The following PRKG1 variants were observed in gnomAD, a reference collection of about 807,000 sequenced individuals.
The protein encoded by PRKG1 is protein kinase cGMP-dependent 1.
A neutral mutation model predicts 88.1 loss-of-function variants in PRKG1; 35 were observed. That is an observed-to-expected ratio of 0.40 (90% CI 0.30 to 0.53). The LOEUF (loss-of-function observed/expected upper bound fraction) is 0.53. PRKG1 is among the 20% of genes least tolerant of loss of function. The pLI is 0.59. For missense variants in PRKG1, 540 were observed against 839.8 expected (o/e 0.64, Z 4.41); for synonymous variants, 303 against 292.5 (o/e 1.04, Z -0.37).
chr10:52,113,253 T>G (rs914152184), intron 7 of PRKG1, among the ~76,000 whole-genome samples: 4 of 152,214 alleles, frequency 2.6e-5, no homozygotes, highest in African/African-American at 9.6e-5. Flanking sequence ...TCTCTAACAT[T>G]GCTTTTATTA....
chr10:51,792,416 G>A (rs946805168), intron 3 of PRKG1, among the ~76,000 whole-genome samples: 7 of 151,856 alleles, frequency 4.6e-5, no homozygotes, highest in East Asian at 1.9e-4. Flanking sequence ...TATTCTTTCC[G>A]CTTCTTCCCC....
At chr10:52,017,852 T>C (rs1432567945) in intron 5 of PRKG1, among the ~76,000 whole-genome samples, 1 of 152,200 alleles carries the variant, frequency 6.6e-6, no homozygotes, top group East Asian at 1.9e-4. Context: ...TTTTCCATAA[T>C]TGCATGAAAT....
intron 3 of PRKG1, among the ~76,000 whole-genome samples, chr10:51,626,811 T>C (rs74363139): frequency 0.039 from 5,971 of 152,250 alleles, 171 homozygotes; most frequent in Middle Eastern, 0.075. Flanking sequence ...CTCCATCAGT[T>C]TTCCCTTTTT....
Position 51,234,804 on chromosome 10 carries a change from A to C in PRKG1, c.478+81474A>C, listed in dbSNP as rs183431124. ...TATTATTTCTGAATGGAAAAGAAAA[A>C]AAATAAAAATATTTCACCGAAAACA... On this transcript the variant is annotated intron_variant, in intron 2 of 17. Transcript: ENST00000373980. Among the ~76,000 whole-genome samples the C allele has an allele frequency of 1.6e-3, 242 of 152,338 alleles. 1 individual carries two copies. The highest frequency in any genetic ancestry group is 2.0e-3 in the Non-Finnish European group (138 of 68,036).
intron 2 of PRKG1, among the ~76,000 whole-genome samples, chr10:51,405,387 A>G (rs769978358): frequency 3.4e-4 from 52 of 152,242 alleles, no homozygotes; most frequent in Non-Finnish European, 3.7e-4. Flanking sequence ...AAGTCTTCAC[A>G]TCTGCATTTT....
intron 2 of PRKG1, among the ~76,000 whole-genome samples, chr10:51,427,766 CA>C (rs1838631911): frequency 6.6e-6 from 1 of 152,164 alleles, no homozygotes; most frequent in Non-Finnish European, 1.5e-5. Context: ...TCCATTTCAC[CA>C]AAGGTTTCAG....
chr10:52,213,452 AG>A (rs1301750061), intron 9 of PRKG1, among the ~76,000 whole-genome samples: 1 of 152,222 alleles, frequency 6.6e-6, no homozygotes, highest in African/African-American at 2.4e-5. Context: ...TCAAGGAAAA[AG>A]TCTTGGTGAC....
chr10:52,183,167 T>A (rs527765120), intron 9 of PRKG1, among the ~76,000 whole-genome samples: 1 of 152,116 alleles, frequency 6.6e-6, no homozygotes, highest in African/African-American at 2.4e-5. Flanking sequence ...ACCTCCAACA[T>A]TGGAGGTCAC....
At chr10:51,905,770 C>G (rs775321161) in intron 4 of PRKG1, among the ~76,000 whole-genome samples, 1 of 152,110 alleles carries the variant, frequency 6.6e-6, no homozygotes, top group South Asian at 2.1e-4. Context: ...GCAAACTAAG[C>G]TAATATATTT....
chr10:52,161,634 C>T (rs763167445), intron 8 of PRKG1, among the ~76,000 whole-genome samples: 1 of 151,998 alleles, frequency 6.6e-6, no homozygotes, highest in South Asian at 2.1e-4. Flanking sequence ...TCTGCTTTTG[C>T]CAGATATGGT....
In PRKG1 at chr10:52,295,549, C is replaced by A. The variant is rs911333039; in HGVS notation, c.*1649C>A. 5 of 151,916 alleles carry A rather than the reference C, an allele frequency of 3.3e-5. No homozygotes were observed. Among genetic ancestry groups the A allele is most frequent in the Non-Finnish European group, 7.4e-5 (5 of 67,916 alleles). The allele number at this position is 151,916 out of a possible 1,614,324, so 9.4% of individuals were successfully genotyped here. On this transcript the variant is annotated 3_prime_UTR_variant, in exon 18 of 18. Transcript: ENST00000373980. ...TGGAAGCATTTCCTGGACAAAATTA[C>A]ATTATACCTGTGAAGAAAAATATAG...
At chr10:52,057,611 A>G (rs1177073719) in intron 6 of PRKG1, among the ~76,000 whole-genome samples, 1 of 152,162 alleles carries the variant, frequency 6.6e-6, no homozygotes, top group Non-Finnish European at 1.5e-5. Flanking sequence ...AGTAGCTCAA[A>G]TAGATTTTGA....
rs573155606 is a variant in PRKG1 at position 51,670,503 on chromosome 10, G to A, written c.593-134082G>A. ...TGTAATCCCAGCACTTTGGGAGGCC[G>A]AGGCGGGCAGATCACGAGGTCAGGA... is the stretch of plus-strand genomic sequence containing the variant. On this transcript the variant is annotated intron_variant, in intron 3 of 17. Transcript: ENST00000373980. Among the ~76,000 whole-genome samples, 265 of 150,922 alleles carry A rather than the reference G, an allele frequency of 1.8e-3. 1 individual carries two copies. The highest frequency in any genetic ancestry group is 5.9e-3 in the African/African-American group (246 of 41,354).
intron 4 of PRKG1, among the ~76,000 whole-genome samples, chr10:51,830,566 T>G (rs1440852439): frequency 2.5e-5 from 3 of 121,122 alleles, no homozygotes; most frequent in East Asian, 2.6e-4. Context: ...TTTTGTTTTT[T>G]TTTTTTTTTT....
intron 2 of PRKG1, among the ~76,000 whole-genome samples, chr10:51,384,170 G>C (rs1248184447): frequency 6.6e-6 from 1 of 152,146 alleles, no homozygotes; most frequent in African/African-American, 2.4e-5. Context: ...CTGTTTCAGA[G>C]GGGGAGCTAA....
intron 5 of PRKG1, among the ~76,000 whole-genome samples, chr10:51,978,457 TC>T (rs1843907449): frequency 6.9e-6 from 1 of 145,514 alleles, no homozygotes; most frequent in Non-Finnish European, 1.5e-5. Flanking sequence ...TTTTTTTAGC[TC>T]CCTATGAATT....
chr10:51,547,606 CA>C (rs1842472664), intron 3 of PRKG1, among the ~76,000 whole-genome samples: 1 of 151,950 alleles, frequency 6.6e-6, no homozygotes, highest in Admixed American at 6.6e-5. Flanking sequence ...GTCCTTACAG[CA>C]ATTAGATTTT....
At chr10:51,773,829 A>C (rs1838366574) in intron 3 of PRKG1, among the ~76,000 whole-genome samples, 1 of 152,220 alleles carries the variant, frequency 6.6e-6, no homozygotes, top group East Asian at 1.9e-4. Flanking sequence ...TTACTTAAGT[A>C]TTACACAGCT....
intron 3 of PRKG1, among the ~76,000 whole-genome samples, chr10:51,570,065 ATATG>A (rs940020154): frequency 2.7e-4 from 39 of 145,104 alleles, no homozygotes; most frequent in African/African-American, 9.9e-4. Context: ...ATATATATAT[ATATG>A]TGTGTGTGTG....
Sources: allele counts gnomAD v4.1 joint callset (sites outside exome capture counted in the v4.1 genomes callset), GRCh38; gene constraint gnomAD v4.1.1; transcripts MANE v1.5; gene names NCBI Gene and HGNC (gene_info 2026-07-23, HGNC 2026-07-21).